FBXL7: variants seen among roughly 807,000 people sequenced by gnomAD.
FBXL7 encodes the protein F-box/LRR-repeat protein 7.
In FBXL7, 12 loss-of-function variants were observed where a neutral mutation model predicts 38.3. That is an observed-to-expected ratio of 0.31 (90% confidence interval 0.20 to 0.51). The LOEUF (loss-of-function observed/expected upper bound fraction) is 0.51, where lower values mean the gene tolerates loss of function less well. Among genes scored for constraint, FBXL7 ranks in the 20% least tolerant of loss-of-function variants. The pLI, the probability that FBXL7 is intolerant of heterozygous loss-of-function variation, is 0.98. For synonymous variants in FBXL7, 297 were observed against 300.9 expected (o/e 0.99, Z 0.13); for missense variants, 567 against 676.4 (o/e 0.84, Z 1.79).
chr5:15,655,008 G>T (rs988697173), intron 2 of FBXL7, among the ~76,000 whole-genome samples: 9 of 152,186 alleles, frequency 5.9e-5, no homozygotes, highest in Non-Finnish European at 1.3e-4. Flanking sequence ...TGGGGATATG[G>T]TTAATTTGCC....
intron 2 of FBXL7, among the ~76,000 whole-genome samples, chr5:15,652,620 C>T (rs1741748377): frequency 6.6e-6 from 1 of 152,124 alleles, no homozygotes; most frequent in African/African-American, 2.4e-5. Flanking sequence ...AGCTTTTGGC[C>T]TGTCTCAGCT....
chr5:15,528,024 A>G (rs544670784), intron 1 of FBXL7, among the ~76,000 whole-genome samples: 1 of 152,220 alleles, frequency 6.6e-6, no homozygotes, highest in Non-Finnish European at 1.5e-5. Flanking sequence ...TATAATTTTC[A>G]TATATTACAA....
intron 2 of FBXL7, among the ~76,000 whole-genome samples, chr5:15,618,509 A>G (rs1740524161): frequency 6.6e-6 from 1 of 152,152 alleles, no homozygotes; most frequent in Non-Finnish European, 1.5e-5. Flanking sequence ...TGTTTGCGGG[A>G]TGATTAGTTT....
intron 1 of FBXL7, among the ~76,000 whole-genome samples, chr5:15,529,506 C>T (rs1737357712): frequency 6.6e-6 from 1 of 152,086 alleles, no homozygotes; most frequent in South Asian, 2.1e-4. Context: ...CTGCCTCAGC[C>T]TCCCGAGTAG....
chr5:15,804,591 C>T (rs1271834151), intron 2 of FBXL7, among the ~76,000 whole-genome samples: 3 of 152,188 alleles, frequency 2.0e-5, no homozygotes, highest in African/African-American at 4.8e-5. Flanking sequence ...GGGTCCCCAA[C>T]CCCTAGGCCG....
chr5:15,513,708 T>G (rs989657764), intron 1 of FBXL7, among the ~76,000 whole-genome samples: 3 of 151,566 alleles, frequency 2.0e-5, no homozygotes, highest in East Asian at 1.9e-4. Context: ...TTCATATTTG[T>G]TTTTTTTAGT....
intron 2 of FBXL7, among the ~76,000 whole-genome samples, chr5:15,880,335 G>C (rs764729657): frequency 2.8e-4 from 42 of 152,192 alleles, no homozygotes; most frequent in Non-Finnish European, 3.5e-4. Flanking sequence ...TTTAGCACTA[G>C]CCCTCAGAGC....
At chr5:15,893,431 G>A (rs894317771) in intron 2 of FBXL7, among the ~76,000 whole-genome samples, 1 of 152,178 alleles carries the variant, frequency 6.6e-6, no homozygotes, top group African/African-American at 2.4e-5. Context: ...TCAATTCTGA[G>A]TTTATGCACA....
chr5:15,635,419 G>A (rs1741148563), intron 2 of FBXL7, among the ~76,000 whole-genome samples: 1 of 152,154 alleles, frequency 6.6e-6, no homozygotes, highest in Non-Finnish European at 1.5e-5. Flanking sequence ...TCAAGCCTGG[G>A]CTCTGAAATG....
At chr5:15,830,303 G>T (rs1313027780) in intron 2 of FBXL7, among the ~76,000 whole-genome samples, 1 of 152,058 alleles carries the variant, frequency 6.6e-6, no homozygotes, top group Non-Finnish European at 1.5e-5. Flanking sequence ...GGCCCACATG[G>T]TAAAACCCCA....
intron 2 of FBXL7, among the ~76,000 whole-genome samples, chr5:15,760,437 A>G (rs967468754): frequency 6.6e-6 from 1 of 152,088 alleles, no homozygotes; most frequent in Admixed American, 6.6e-5. Context: ...AAAAAAAAAA[A>G]AAAGAAAAAA....
rs1739569741 is a variant in FBXL7 at position 15,594,607 on chromosome 5, T to C, written c.38-21376T>C. 2.0e-5 allele frequency among the ~76,000 whole-genome samples: 3 copies of C among 152,164 alleles called. No homozygotes were observed. The South Asian group carries it at 6.2e-4, about 31-fold the overall frequency. Reference sequence around the variant, plus strand: ...CTTGTCCTTGGTATTGGAGCTGCAGTACGGCTTCAGAGACCTGAAGAGGCT... The same window carrying C: ...CTTGTCCTTGGTATTGGAGCTGCAGCACGGCTTCAGAGACCTGAAGAGGCT... On this transcript the variant is annotated intron_variant, in intron 1 of 3. Coordinates refer to ENST00000504595, the MANE Select transcript of FBXL7 (RefSeq NM_012304.5).
intron 2 of FBXL7, among the ~76,000 whole-genome samples, chr5:15,883,074 A>C (rs931471111): frequency 6.6e-6 from 1 of 152,186 alleles, no homozygotes; most frequent in Admixed American, 6.5e-5. Context: ...CCAACTGTTA[A>C]AAATTCTTCA....
At chr5:15,775,682 A>G (rs548590965) in intron 2 of FBXL7, among the ~76,000 whole-genome samples, 97 of 152,294 alleles carry the variant, frequency 6.4e-4, no homozygotes, top group African/African-American at 2.2e-3. Context: ...TGTTTCAGCT[A>G]ATTCAGAATT....
chr5:15,819,290 C>T (rs1452857677), intron 2 of FBXL7, among the ~76,000 whole-genome samples: 1 of 151,766 alleles, frequency 6.6e-6, no homozygotes, highest in Admixed American at 6.6e-5. Flanking sequence ...ATTTTAATTT[C>T]TAATTATACT....
intron 2 of FBXL7, among the ~76,000 whole-genome samples, chr5:15,690,281 C>A (rs1743141367): frequency 6.6e-6 from 1 of 151,940 alleles, no homozygotes; most frequent in Admixed American, 6.6e-5. Context: ...ATAAATAATC[C>A]CCAGCTAGGA....
intron 2 of FBXL7, among the ~76,000 whole-genome samples, chr5:15,743,174 C>T (rs897702049): frequency 5.9e-5 from 9 of 152,140 alleles, no homozygotes; most frequent in African/African-American, 1.7e-4. Context: ...CCCAACAGTC[C>T]CCCAAAGTCT....
intron 2 of FBXL7, among the ~76,000 whole-genome samples, chr5:15,698,965 A>G (rs936731932): frequency 3.3e-5 from 5 of 151,946 alleles, no homozygotes; most frequent in African/African-American, 1.2e-4. Flanking sequence ...CATAGATGGA[A>G]CTCAGGAACT....
chr5:15,825,380 A>G (rs1381633589), intron 2 of FBXL7, among the ~76,000 whole-genome samples: 1 of 152,142 alleles, frequency 6.6e-6, no homozygotes, highest in Admixed American at 6.5e-5. Flanking sequence ...TTTATTTGGA[A>G]GAAAAAAAAA....
Sources: allele counts gnomAD v4.1 joint callset (sites outside exome capture counted in the v4.1 genomes callset), GRCh38; gene constraint gnomAD v4.1.1; transcripts MANE v1.5; gene names NCBI Gene and HGNC (gene_info 2026-07-23, HGNC 2026-07-21).